The following POFUT3 variants were observed in gnomAD, a reference collection of about 807,000 sequenced individuals.
POFUT3 encodes the protein GDP-fucose protein O-fucosyltransferase 3.
chr8:33,398,206 AT>A, the POFUT3 span, among the ~76,000 whole-genome samples: 39 of 152,238 alleles, frequency 2.6e-4, no homozygotes, highest in South Asian at 2.1e-3. Context: ...CCCAATTATT[AT>A]TTTTTTGTTT....
chr8:33,398,435 A>G, the POFUT3 span, among the ~76,000 whole-genome samples: 2 of 152,252 alleles, frequency 1.3e-5, no homozygotes, highest in Non-Finnish European at 2.9e-5. Flanking sequence ...TTCCAGTGAT[A>G]GGAAACTCAT....
chr8:33,349,126 G>A, the POFUT3 span, among the ~76,000 whole-genome samples: 2 of 152,204 alleles, frequency 1.3e-5, no homozygotes, highest in African/African-American at 4.8e-5. Context: ...GTAGTTCCGT[G>A]TCAAGGGTCT....
the POFUT3 span, among the ~76,000 whole-genome samples, chr8:33,406,255 C>A: frequency 6.6e-6 from 1 of 151,660 alleles, no homozygotes; most frequent in African/African-American, 2.4e-5. Flanking sequence ...TCTTCAAAAT[C>A]CACTTAAATG....
At chr8:33,315,052 A>C in the POFUT3 span, among the ~76,000 whole-genome samples, 1 of 152,222 alleles carries the variant, frequency 6.6e-6, no homozygotes, top group Non-Finnish European at 1.5e-5. Context: ...ATCAGACTGC[A>C]CATTTACTTT....
the POFUT3 span, among the ~76,000 whole-genome samples, chr8:33,437,973 A>C: frequency 6.6e-6 from 1 of 152,206 alleles, no homozygotes; most frequent in Non-Finnish European, 1.5e-5. Flanking sequence ...TCTGATGTCA[A>C]ATTTAGACAC....
chr8:33,397,577 G>C, the POFUT3 span, among the ~76,000 whole-genome samples: 4 of 152,322 alleles, frequency 2.6e-5, no homozygotes, highest in East Asian at 5.8e-4. Flanking sequence ...ACGGCCTTAA[G>C]GGGTTGGCAA....
chr8:33,339,788 G>T, the POFUT3 span, among the ~76,000 whole-genome samples: 1 of 152,068 alleles, frequency 6.6e-6, no homozygotes, highest in African/African-American at 2.4e-5. Context: ...ATGCTGAAAG[G>T]GAAGAACTAT....
the POFUT3 span, among the ~76,000 whole-genome samples, chr8:33,438,482 A>C: frequency 9.9e-5 from 15 of 152,194 alleles, no homozygotes; most frequent in African/African-American, 3.6e-4. Flanking sequence ...ACCACTCAGG[A>C]GGCTGAGGCA....
the POFUT3 span, among the ~76,000 whole-genome samples, chr8:33,456,380 CAG>C: frequency 6.6e-6 from 1 of 151,852 alleles, no homozygotes; most frequent in East Asian, 1.9e-4. Flanking sequence ...TTTTTTGAGA[CAG>C]AGTCTCTCTC....
the POFUT3 span, among the ~76,000 whole-genome samples, chr8:33,430,017 G>C: frequency 6.8e-6 from 1 of 146,844 alleles, no homozygotes; most frequent in African/African-American, 2.5e-5. Flanking sequence ...AAAAAAGAAA[G>C]ACTCCAGTTT....
At chr8:33,389,092 G>C in the POFUT3 span, 2 of 1,614,018 alleles carry the variant, frequency 1.2e-6, no homozygotes, top group Non-Finnish European at 1.7e-6. Context: ...GAAGTCGCTG[G>C]TTAGAGATCT....
chr8:33,414,336 CT>C, the POFUT3 span, among the ~76,000 whole-genome samples: 13 of 152,330 alleles, frequency 8.5e-5, no homozygotes, highest in South Asian at 1.7e-3. Context: ...CAGAGGAACT[CT>C]GTCCCAGGCC....
At chr8:33,453,996 G>A in the POFUT3 span, among the ~76,000 whole-genome samples, 2 of 152,036 alleles carry the variant, frequency 1.3e-5, no homozygotes, top group South Asian at 4.1e-4. Context: ...GCATGGTGAT[G>A]CATGCCTGTA....
At chr8:33,442,582 C>A in the POFUT3 span, among the ~76,000 whole-genome samples, 1 of 152,104 alleles carries the variant, frequency 6.6e-6, no homozygotes, top group African/African-American at 2.4e-5. Flanking sequence ...CTGTACCTGG[C>A]CTCATCTGTC....
At chr8:33,361,271 G>C in the POFUT3 span, 1 of 152,064 alleles carries the variant, frequency 6.6e-6, no homozygotes, top group Non-Finnish European at 1.5e-5. Context: ...TTCTTAAATC[G>C]CCCAGTGTTG....
the POFUT3 span, among the ~76,000 whole-genome samples, chr8:33,472,446 C>T: frequency 6.6e-6 from 1 of 152,200 alleles, no homozygotes. Flanking sequence ...TCTGAGGGTA[C>T]TAATCGGGTG....
At chr8:33,419,673 C>T in the POFUT3 span, among the ~76,000 whole-genome samples, 3 of 152,040 alleles carry the variant, frequency 2.0e-5, no homozygotes, top group African/African-American at 7.2e-5. Flanking sequence ...ATTACAGGTT[C>T]CTCATAAATG....
chr8:33,359,889 C>G, the POFUT3 span, among the ~76,000 whole-genome samples: 5 of 151,806 alleles, frequency 3.3e-5, no homozygotes, highest in Non-Finnish European at 7.4e-5. Flanking sequence ...ACCTGTAATC[C>G]CAGTTCCTCA....
the POFUT3 span, chr8:33,461,607 T>C: frequency 2.2e-5 from 34 of 1,533,268 alleles, no homozygotes; most frequent in Non-Finnish European, 2.7e-5. Flanking sequence ...CATGAAGGAC[T>C]GAGATCCGAG....
Sources: gnomAD v4.1 joint callset for allele counts (sites outside exome capture counted in the v4.1 genomes callset) on GRCh38, gnomAD v4.1.1 for gene constraint, MANE v1.5 for transcripts, NCBI Gene and HGNC (gene_info 2026-07-23, HGNC 2026-07-21) for gene names.